POU2AF1: variants seen among roughly 807,000 people sequenced by gnomAD.
POU2AF1 encodes POU domain class 2-associating factor 1.
In POU2AF1, 12 loss-of-function variants were observed where a neutral mutation model predicts 26.3. That is an observed-to-expected ratio of 0.46 (90% CI 0.29 to 0.74). The LOEUF (loss-of-function observed/expected upper bound fraction) is 0.74. Ranked by LOEUF, POU2AF1 falls within the 30% of genes least tolerant of loss-of-function variation. POU2AF1 has a pLI of 0.09. For synonymous variants in POU2AF1, 175 were observed against 148.0 expected (o/e 1.18, Z -1.32); for missense variants, 297 against 334.5 (o/e 0.89, Z 0.87).
chr11:111,357,306 A>C, intron 4 of POU2AF1, 139 bp downstream of exon 4: 2 of 1,228,512 alleles, frequency 1.6e-6, no homozygotes, highest in Non-Finnish European at 2.3e-6. Context: ...GCAGGCCTCC[A>C]TGGAGACCAA....
rs1407879161 is a variant in POU2AF1 at position 111,354,537 on chromosome 11, C to T, written c.495G>A (p.Leu165=). The T allele has an allele frequency of 3.9e-6, 6 of 1,551,454 alleles. No individual in the cohort carries two copies. The highest frequency in any genetic ancestry group is 4.4e-5 in the Admixed American group (2 of 45,428). Residue 165 remains leucine (L), a synonymous_variant, in exon 5 of 5, where the codon CTG becomes CTA. Transcript: ENST00000393067. The part of the protein sequence containing the change: ...SSATPAVGPP[L]EGPEHQAPLT... ...GGGGTGCCTGGTGCTCTGGGCCCTC[C>T]AGCGGGGGCCCCACTGCGGGCGTGG... is the stretch of plus-strand genomic sequence containing the variant.
At chr11:111,376,878 G>T (rs916298935) in intron 1 of POU2AF1, among the ~76,000 whole-genome samples, 4 of 152,092 alleles carry the variant, frequency 2.6e-5, no homozygotes, top group Non-Finnish European at 5.9e-5. Flanking sequence ...AAGGGGGTGG[G>T]TCCAGAGCCC....
intron 4 of POU2AF1, among the ~76,000 whole-genome samples, chr11:111,355,713 G>A (rs1232918370): frequency 1.3e-5 from 2 of 152,204 alleles, no homozygotes; most frequent in South Asian, 2.1e-4. Flanking sequence ...AAGAGTTTGA[G>A]TAGCAAGGCT....
chr11:111,352,963 G>GAGGA lies in POU2AF1; in HGVS notation c.*1294_*1297dup, dbSNP rs1187817196. 0.12 allele frequency: 16,063 copies of GAGGA among 136,788 alleles called. 1,934 individuals are homozygous for GAGGA. The highest frequency in any genetic ancestry group is 0.15 in the Admixed American group (1,666 of 10,888). 8.5% of individuals were successfully genotyped at this position (136,788 alleles called of 1,614,324 possible). A position where few individuals can be genotyped will look rare whatever the true frequency, so the allele number is the denominator to read the frequency against. On this transcript the variant is annotated 3_prime_UTR_variant, in exon 5 of 5. Coordinates refer to ENST00000393067, the MANE Select transcript of POU2AF1 (RefSeq NM_006235.3). ...AAACCAAAAAAAAGAAAGAAAGAGA[G>GAGGA]AGGAAGGAAGGAAGGAAGGAAGGAA...
intron 4 of POU2AF1, among the ~76,000 whole-genome samples, chr11:111,357,110 A>G (rs1860861029): frequency 6.6e-6 from 1 of 152,230 alleles, no homozygotes; most frequent in South Asian, 2.1e-4. Flanking sequence ...CCCCATGTAG[A>G]TCTCGCCTGG....
At chr11:111,370,410 T>A (rs562296991) in intron 1 of POU2AF1, among the ~76,000 whole-genome samples, 12 of 152,284 alleles carry the variant, frequency 7.9e-5, no homozygotes, top group African/African-American at 2.6e-4. Context: ...CAATGCAATA[T>A]GTTTCACAGC....
intron 1 of POU2AF1, chr11:111,360,021 A>G (rs1370687302): frequency 3.9e-6 from 2 of 518,890 alleles, no homozygotes; most frequent in Non-Finnish European, 7.7e-6. Flanking sequence ...TGCTGAGGGA[A>G]GGTTTCCTTC....
chr11:111,365,892 T>A (rs1002982739), intron 1 of POU2AF1, among the ~76,000 whole-genome samples: 1 of 152,068 alleles, frequency 6.6e-6, no homozygotes, highest in African/African-American at 2.4e-5. Flanking sequence ...TACATTTTCA[T>A]GCAAAGAATT....
intron 1 of POU2AF1, among the ~76,000 whole-genome samples, chr11:111,361,185 G>A (rs1406738747): frequency 2.2e-5 from 3 of 137,940 alleles, no homozygotes; most frequent in Non-Finnish European, 3.3e-5. Context: ...CCCCGCCCAC[G>A]TGGATCTTGC....
At position 111,357,542 on chromosome 11, in the gene POU2AF1, G is replaced by T. The variant is rs1591190394; in HGVS notation, c.359C>A (p.Ala120Asp). The change falls in exon 4 of 5, where the codon GCT becomes GAT. Residue 120 changes from alanine to aspartate, a missense_variant. Transcript: ENST00000393067. ...PHEAVSCPYS[A>D]DMYVQPVCPS... ...GCACACGGGCTGCACATACATGTCAGCTGAGTAGGGGCAGCTGACAGCTTC... is the reference window on the plus strand; with the variant it reads ...GCACACGGGCTGCACATACATGTCATCTGAGTAGGGGCAGCTGACAGCTTC... The T allele has an allele frequency of 1.2e-6, 2 of 1,614,176 alleles. No homozygotes were observed. Among genetic ancestry groups the T allele is most frequent in the East Asian group, 4.5e-5 (2 of 44,880 alleles).
At chr11:111,356,269 T>C (rs1860844182) in intron 4 of POU2AF1, among the ~76,000 whole-genome samples, 1 of 152,118 alleles carries the variant, frequency 6.6e-6, no homozygotes, top group Non-Finnish European at 1.5e-5. Flanking sequence ...TGGAAATGAG[T>C]TGCCTGGGAG....
chr11:111,369,098 T>A (rs1861159778), intron 1 of POU2AF1, among the ~76,000 whole-genome samples: 1 of 152,158 alleles, frequency 6.6e-6, no homozygotes, highest in Non-Finnish European at 1.5e-5. Flanking sequence ...CTCAGGTACC[T>A]GGAATCCCCA....
chr11:111,356,319 G>C (rs932364583), intron 4 of POU2AF1, among the ~76,000 whole-genome samples: 6 of 152,204 alleles, frequency 3.9e-5, no homozygotes, highest in African/African-American at 1.4e-4. Flanking sequence ...CATCATCCAG[G>C]CTCCAAAATT....
intron 1 of POU2AF1, among the ~76,000 whole-genome samples, chr11:111,375,194 C>G (rs745554813): frequency 6.6e-6 from 1 of 152,078 alleles, no homozygotes; most frequent in Non-Finnish European, 1.5e-5. Context: ...ATACAAACAA[C>G]AACAATAAAA....
intron 1 of POU2AF1, chr11:111,362,925 G>T (rs1292142237): frequency 6.2e-6 from 1 of 161,548 alleles, no homozygotes; most frequent in Non-Finnish European, 1.3e-5. Context: ...GAGGCCTCCT[G>T]GTCCCAGTCC....
chr11:111,359,813 C>G (rs941745128), intron 1 of POU2AF1, among the ~76,000 whole-genome samples: 2 of 152,184 alleles, frequency 1.3e-5, no homozygotes, highest in African/African-American at 4.8e-5. Context: ...CATGCCCATG[C>G]GTTTTAAGCT....
rs1226457041 is a variant in POU2AF1 at position 111,353,132 on chromosome 11, C to G, written c.*1129G>C. On this transcript the variant is annotated 3_prime_UTR_variant, in exon 5 of 5. Coordinates refer to ENST00000393067, the MANE Select transcript of POU2AF1 (RefSeq NM_006235.3). ...TTTAGGCTTAATGGGGTCTTGGCCTCCACAGCACCAGCAGAGGGCCTAGAG... is the reference window on the plus strand; with the variant it reads ...TTTAGGCTTAATGGGGTCTTGGCCTGCACAGCACCAGCAGAGGGCCTAGAG... The G allele has an allele frequency of 4.3e-6, 1 of 232,110 alleles. No homozygotes were observed. Among genetic ancestry groups the G allele is most frequent in the Non-Finnish European group, 8.5e-6 (1 of 117,428 alleles). The allele number at this position is 232,110 out of a possible 1,614,324, so 14.4% of individuals were successfully genotyped here.
At chr11:111,357,917 C>T (rs1860883919) in intron 2 of POU2AF1, 80 bp from the exon 3 acceptor site, 1 of 1,396,822 alleles carries the variant, frequency 7.2e-7, no homozygotes, top group South Asian at 1.4e-5. Context: ...CCCAGAGGGC[C>T]TCAGGGCAGG....
At chr11:111,379,018 CCTGCTCCGGGGCTTGGAACCCAGA>C in intron 1 of POU2AF1, 120 bp downstream of exon 1, 1 of 497,136 alleles carries the variant, frequency 2.0e-6, no homozygotes, top group Non-Finnish European at 3.7e-6. Context: ...CTCCCCCCTC[CCTGCTCCGGGGCTTGGAACCCAGA>C]CCCCCTCCCC....
Sources: gnomAD v4.1 joint callset for allele counts (sites outside exome capture counted in the v4.1 genomes callset) on GRCh38, gnomAD v4.1.1 for gene constraint, MANE v1.5 for transcripts, NCBI Gene and HGNC (gene_info 2026-07-23, HGNC 2026-07-21) for gene names.